The following BEND7 variants were observed in gnomAD, a reference collection of about 807,000 sequenced individuals.
The protein encoded by BEND7 is BEN domain-containing protein 7.
A neutral mutation model predicts 50.9 loss-of-function variants in BEND7; 28 were observed. The ratio of observed to expected loss-of-function variants is 0.55; its 90% CI spans 0.41 to 0.75. The LOEUF (loss-of-function observed/expected upper bound fraction) is 0.75. Ranked by LOEUF, BEND7 falls within the 30% of genes least tolerant of loss-of-function variation. The pLI, the probability that BEND7 is intolerant of heterozygous loss-of-function variation, is 0.00. For missense variants in BEND7, 477 were observed against 491.3 expected, an observed-to-expected ratio of 0.97 and a Z score of 0.28; for synonymous variants, 170 against 183.9, an observed-to-expected ratio of 0.92 and a Z score of 0.61.
intron 5 of BEND7, 100 bp from the exon 6 acceptor site, chr10:13,481,224 C>T (rs981727680): frequency 7.8e-5 from 84 of 1,078,272 alleles, no homozygotes; most frequent in Non-Finnish European, 1.1e-4. Flanking sequence ...CTGAAATGTA[C>T]ATATCCTACA....
intron 5 of BEND7, among the ~76,000 whole-genome samples, chr10:13,483,436 C>G (rs2076006320): frequency 6.6e-6 from 1 of 152,196 alleles, no homozygotes; most frequent in African/African-American, 2.4e-5. Flanking sequence ...TTTGGAGTGT[C>G]AAACACCCAT....
intron 8 of BEND7, 31 bp from the exon 9 acceptor site, chr10:13,441,781 A>G (rs756208688): frequency 3.1e-6 from 5 of 1,608,046 alleles, no homozygotes; most frequent in Non-Finnish European, 4.3e-6. Flanking sequence ...GTTGTCAGGA[A>G]CGGGATTACT....
At chr10:13,471,684 C>A (rs1211915567) in intron 6 of BEND7, among the ~76,000 whole-genome samples, 3 of 152,228 alleles carry the variant, frequency 2.0e-5, no homozygotes, top group Admixed American at 2.0e-4. Context: ...AAGTTTTAAA[C>A]CCCCAAGGTT....
At position 13,447,266 on chromosome 10, in the gene BEND7, C is replaced by G; in HGVS notation, c.1234G>C (p.Val412Leu). The G allele has an allele frequency of 6.2e-7, 1 of 1,613,956 alleles. No homozygotes were observed. Among genetic ancestry groups the G allele is most frequent in the Non-Finnish European group, 8.5e-7 (1 of 1,179,968 alleles). The change falls in exon 8 of 9, where the codon GTG becomes CTG. Residue 412 changes from valine (V) to leucine (L), a missense_variant and splice_region_variant. Physicochemically the swap from Val to Leu is conservative, Grantham distance 32 (BLOSUM62 1). Transcript: ENST00000466271. ...RLDGIALPPT[V>L]V ...GAAAATGTAAATGCGTTTTATTTAC[C>G]TGTTGGTGGTAGAGCAATGCCGTCC...
At chr10:13,481,240 A>T in intron 5 of BEND7, 116 bp from the exon 6 acceptor site, 3 of 957,436 alleles carry the variant, frequency 3.1e-6, no homozygotes, top group Non-Finnish European at 4.6e-6. Flanking sequence ...CTACAAATGA[A>T]AACACTCTTG....
chr10:13,451,813 T>C (rs1254178940), intron 7 of BEND7, among the ~76,000 whole-genome samples: 3 of 126,422 alleles, frequency 2.4e-5, no homozygotes, highest in Non-Finnish European at 4.7e-5. Flanking sequence ...CCTGTGTCCA[T>C]GTGTTCTCAT....
chr10:13,488,625 T>C (rs369280841), intron 5 of BEND7, among the ~76,000 whole-genome samples: 5 of 152,310 alleles, frequency 3.3e-5, no homozygotes, highest in East Asian at 1.9e-4. Flanking sequence ...GTAGCTGGGA[T>C]TACAGGCATG....
intron 5 of BEND7, among the ~76,000 whole-genome samples, chr10:13,491,538 T>G (rs926964548): frequency 6.6e-6 from 1 of 151,892 alleles, no homozygotes; most frequent in African/African-American, 2.4e-5. Context: ...GATGAACTTC[T>G]TAACAATTGT....
rs112042520 is a variant in BEND7 at position 13,465,526 on chromosome 10, G to A, written c.1064-12868C>T. On this transcript the variant is annotated intron_variant, in intron 6 of 8. Transcript: ENST00000466271. The stretch of plus-strand genomic sequence containing the variant: ...TCTATGGGGCTGTTATTTTCAGCTG[G>A]CTGATGTAATGAAAAGGGCCCTAGA... 6.0e-3 allele frequency among the ~76,000 whole-genome samples: 914 copies of A among 152,214 alleles called. 3 individuals carry two copies. The highest frequency in any genetic ancestry group is 0.011 in the Non-Finnish European group (758 of 68,014).
chr10:13,461,445 A>G (rs889171688), intron 6 of BEND7, among the ~76,000 whole-genome samples: 1 of 152,202 alleles, frequency 6.6e-6, no homozygotes, highest in African/African-American at 2.4e-5. Context: ...AGAAAATTCT[A>G]AAGGCAGCCA....
chr10:13,474,703 C>T (rs1173832912), intron 6 of BEND7, among the ~76,000 whole-genome samples: 4 of 152,056 alleles, frequency 2.6e-5, no homozygotes, highest in East Asian at 1.9e-4. Context: ...GGGCTCAGGT[C>T]GATACCCGTC....
At chr10:13,439,687 G>A (rs1315960435), downstream of BEND7, among the ~76,000 whole-genome samples, 2 of 152,176 alleles carry the variant, frequency 1.3e-5, no homozygotes, top group African/African-American at 4.8e-5. Flanking sequence ...TTTCTCAGGC[G>A]TGGCTTTGTG....
intron 6 of BEND7, among the ~76,000 whole-genome samples, chr10:13,462,785 T>C (rs372124126): frequency 2.0e-5 from 3 of 152,188 alleles, no homozygotes; most frequent in East Asian, 1.9e-4. Context: ...TGGTGAGTCA[T>C]GGATCCTTGG....
chr10:13,489,514 C>T (rs886570150), intron 5 of BEND7, among the ~76,000 whole-genome samples: 5 of 151,950 alleles, frequency 3.3e-5, no homozygotes, highest in African/African-American at 7.3e-5. Flanking sequence ...CCGTAGAAAG[C>T]GGATAAGAAG....
chr10:13,447,940 G>T (rs574945031), intron 7 of BEND7, among the ~76,000 whole-genome samples: 2 of 152,280 alleles, frequency 1.3e-5, no homozygotes, highest in African/African-American at 2.4e-5. Context: ...AATTCCTGCT[G>T]TAGAATTTGC....
rs779446928 is a variant in BEND7, at chr10:13,452,548, T to G, written c.1174A>C (p.Arg392=). ...TGCACCTTAGTCATACCTGAGCCTC[T>G]TTTTAACCTTCTTCTGGCCAGTTTA... ...QIKLARRRLK[R]GSEIADSDER... The change falls in exon 7 of 9, where the codon AGA becomes CGA. Residue 392 remains arginine (R), a synonymous_variant. Transcript: ENST00000466271. 2 of 1,608,952 alleles carry G rather than the reference T, an allele frequency of 1.2e-6. No individual in the cohort carries two copies. The highest frequency in any genetic ancestry group is 2.2e-5 in the South Asian group (2 of 89,580).
chr10:13,523,075 C>T (rs988228028), intron 2 of BEND7, among the ~76,000 whole-genome samples: 1 of 152,174 alleles, frequency 6.6e-6, no homozygotes, highest in African/African-American at 2.4e-5. Flanking sequence ...GAACAAGGTC[C>T]CTGTCCTATC....
chr10:13,522,476 C>A (rs2079148181), intron 2 of BEND7, among the ~76,000 whole-genome samples: 1 of 152,158 alleles, frequency 6.6e-6, no homozygotes, highest in Non-Finnish European at 1.5e-5. Flanking sequence ...TTATATCTGC[C>A]CTGACTACCC....
At chr10:13,467,638 G>A (rs1488777504) in intron 6 of BEND7, among the ~76,000 whole-genome samples, 2 of 152,152 alleles carry the variant, frequency 1.3e-5, no homozygotes, top group Non-Finnish European at 2.9e-5. Flanking sequence ...GTCTGTGGCT[G>A]CTGTTCCTTC....
Sources: allele counts gnomAD v4.1 joint callset (sites outside exome capture counted in the v4.1 genomes callset), GRCh38; gene constraint gnomAD v4.1.1; transcripts MANE v1.5; gene names NCBI Gene and HGNC (gene_info 2026-07-23, HGNC 2026-07-21).